The following FAM246B variants were observed in gnomAD, a reference collection of about 807,000 sequenced individuals.
The protein encoded by FAM246B is family with sequence similarity 246 member B, also known as protein FAM246B.
At chr22:18,634,979 GGCCTTTGGGCCTTGGGTCTGGGTCA>G (rs1164193661), downstream of FAM246B, among the ~76,000 whole-genome samples, 4 of 145,930 alleles carry the variant, frequency 2.7e-5, no homozygotes, top group Admixed American at 1.4e-4. Context: ...CTTAGAGCTG[GGCCTTTGGGCCTTGGGTCTGGGTCA>G]GCCTTTGGGC....
chr22:18,634,000 GC>G lies in FAM246B; in HGVS notation c.20del (p.Pro7ArgfsTer64), dbSNP rs1200744705. On this transcript the variant is annotated frameshift_variant, in exon 1 of 1. Coordinates refer to ENST00000652395, the Ensembl canonical transcript of FAM246B. LOFTEE classifies it high-confidence loss of function. Reference sequence around the variant, plus strand: ...GCAGGGCGGATGGCGACGCCCGGCCGCCCGTGGGCCCAGGCGCGTAGTGCGT... The same window carrying G: ...GCAGGGCGGATGGCGACGCCCGGCCGCCGTGGGCCCAGGCGCGTAGTGCGT... 2.1e-4 allele frequency among the ~76,000 whole-genome samples: 10 copies of G among 47,112 alleles called. 2 individuals are homozygous for G. Among genetic ancestry groups the G allele is most frequent in the African/African-American group, 6.5e-4 (10 of 15,296 alleles). The allele number at this position is 47,112 out of a possible 152,430, so 30.9% of individuals were successfully genotyped here.
At chr22:18,635,364 GACAGTGAC>G (rs1933706320), downstream of FAM246B, among the ~76,000 whole-genome samples, 1 of 57,638 alleles carries the variant, frequency 1.7e-5, no homozygotes, top group Non-Finnish European at 4.5e-5. Context: ...CTTTGCTTTG[GACAGTGAC>G]ACCAAGAATA....
At chr22:18,634,987 G>GGCCTTTGT (rs1355139340), downstream of FAM246B, among the ~76,000 whole-genome samples, 1 of 145,590 alleles carries the variant, frequency 6.9e-6, no homozygotes, top group Non-Finnish European at 1.5e-5. Context: ...TGGGCCTTTG[G>GGCCTTTGT]GCCTTGGGTC....
rs1184929103 is a variant in FAM246B at position 18,634,054 on chromosome 22, T to G, written c.71T>G (p.Val24Gly). The change falls in exon 1 of 1, where the codon GTC (valine) becomes GGC (glycine). Residue 24 changes from valine (V) to glycine (G), a missense_variant. Coordinates refer to ENST00000652395, the Ensembl canonical transcript of FAM246B. Reference sequence around the variant, plus strand: ...AGAGCCAGCGAGGTGCTGCGGCGCGTCACGGGCCGCCGGCGGGACCCGGGG... The same window carrying G: ...AGAGCCAGCGAGGTGCTGCGGCGCGGCACGGGCCGCCGGCGGGACCCGGGG... Among the ~76,000 whole-genome samples, 10 of 53,830 alleles carry G rather than the reference T, an allele frequency of 1.9e-4. 4 individuals carry two copies. The East Asian group carries it at 1.9e-3, about 10-fold the overall frequency. 35.3% of individuals were successfully genotyped at this position (53,830 alleles called of 152,430 possible). A position where few individuals can be genotyped will look rare whatever the true frequency, so the allele number is the denominator to read the frequency against.
exon 1 of FAM246B, among the ~76,000 whole-genome samples, chr22:18,634,169 G>C (rs1933687807): frequency 1.7e-5 from 1 of 57,318 alleles, no homozygotes; most frequent in Non-Finnish European, 4.1e-5. Context: ...AAGCGGCTTC[G>C]CGGTCCGAGG....
At position 18,634,051 on chromosome 22, in the gene FAM246B, G is replaced by A. The variant is rs1484924405; in HGVS notation, c.68G>A (p.Arg23His). ...TACAGAGCCAGCGAGGTGCTGCGGC[G>A]CGTCACGGGCCGCCGGCGGGACCCG... Residue 23 changes from arginine to histidine, a missense_variant, in exon 1 of 1, where the codon CGC becomes CAC. Arg to His is a conservative substitution (Grantham distance 29). Transcript: ENST00000652395. Among the ~76,000 whole-genome samples, 18 of 54,058 alleles carry A rather than the reference G, an allele frequency of 3.3e-4. 7 individuals are homozygous for A. Among genetic ancestry groups the A allele is most frequent in the African/African-American group, 6.9e-4 (12 of 17,440 alleles). The allele number at this position is 54,058 out of a possible 152,430, so 35.5% of individuals were successfully genotyped here. A position where few individuals can be genotyped will look rare whatever the true frequency, so the allele number is the denominator to read the frequency against.
At chr22:18,634,839 T>A (rs1933696789), downstream of FAM246B, among the ~76,000 whole-genome samples, 1 of 134,034 alleles carries the variant, frequency 7.5e-6, no homozygotes, top group Non-Finnish European at 1.7e-5. Flanking sequence ...AGGGCTCCGG[T>A]ACTGGAGGGA....
rs1933686776 is a variant in FAM246B, at chr22:18,634,008, GC to G, written c.28del (p.Gln10ArgfsTer61). ...GATGGCGACGCCCGGCCGCCCGTGG[GC>G]CCAGGCGCGTAGTGCGTACAGAGCC... On this transcript the variant is annotated frameshift_variant, in exon 1 of 1. Coordinates refer to ENST00000652395, the Ensembl canonical transcript of FAM246B. LOFTEE classifies it high-confidence loss of function. Among the ~76,000 whole-genome samples, 1 of 48,446 alleles carries G rather than the reference GC, an allele frequency of 2.1e-5. No individual in the cohort carries two copies. Among genetic ancestry groups the G allele is most frequent in the Non-Finnish European group, 4.7e-5 (1 of 21,406 alleles). 31.8% of individuals were successfully genotyped at this position (48,446 alleles called of 152,430 possible).
chr22:18,634,525 G>C (rs1170259880), exon 1 of FAM246B, among the ~76,000 whole-genome samples: 1,129 of 61,754 alleles, frequency 0.018, 325 homozygotes, highest in African/African-American at 0.047. Flanking sequence ...ACCCTGCTGC[G>C]GACGCTCGGC....
chr22:18,634,478 G>GCCCCGCGCCGTC lies in FAM246B; in HGVS notation c.506_517dup (p.Val169_Ala172dup), dbSNP rs1306065068. ...CGCCGTCCCCGCCTGCCCGCCGCGA[G>GCCCCGCGCCGTC]CCCCGCGCCGTCCCCCGCGCCGCGC... On this transcript the variant is annotated inframe_insertion, in exon 1 of 1. Coordinates refer to ENST00000652395, the Ensembl canonical transcript of FAM246B. Among the ~76,000 whole-genome samples the GCCCCGCGCCGTC allele has an allele frequency of 3.3e-5, 2 of 60,028 alleles. 1 individual carries two copies. Among genetic ancestry groups the GCCCCGCGCCGTC allele is most frequent in the Non-Finnish European group, 8.2e-5 (2 of 24,406 alleles). 39.4% of individuals were successfully genotyped at this position (60,028 alleles called of 152,430 possible).
chr22:18,634,937 C>T (rs1005840014), downstream of FAM246B, among the ~76,000 whole-genome samples: 1 of 148,252 alleles, frequency 6.7e-6, no homozygotes, highest in Non-Finnish European at 1.5e-5. Flanking sequence ...AGACTGAGTC[C>T]GGCTAGAGAA....
downstream of FAM246B, among the ~76,000 whole-genome samples, chr22:18,634,991 TTGGGTC>T (rs1933699927): frequency 6.9e-6 from 1 of 145,198 alleles, no homozygotes; most frequent in Non-Finnish European, 1.5e-5. Flanking sequence ...CCTTTGGGCC[TTGGGTC>T]TGGGTCAGCC....
chr22:18,634,441 TGCC>T (rs558825079), exon 1 of FAM246B, among the ~76,000 whole-genome samples: 1 of 55,128 alleles, frequency 1.8e-5, no homozygotes. Flanking sequence ...CGCGCGCTGC[TGCC>T]GCCGCCGCCG....
chr22:18,634,879 G>T (rs1933697937), downstream of FAM246B, among the ~76,000 whole-genome samples: 1 of 148,304 alleles, frequency 6.7e-6, no homozygotes, highest in East Asian at 2.1e-4. Flanking sequence ...GCGGAGGGTG[G>T]GCCACGTGCG....
chr22:18,634,442 G>C (rs1207766463), exon 1 of FAM246B, among the ~76,000 whole-genome samples: 7 of 53,980 alleles, frequency 1.3e-4, no homozygotes, highest in African/African-American at 3.9e-4. Flanking sequence ...GCGCGCTGCT[G>C]CCGCCGCCGC....
Position 18,634,206 on chromosome 22 carries a change from C to T in FAM246B, c.223C>T (p.Arg75Cys), listed in dbSNP as rs1933687960. 3.6e-5 allele frequency among the ~76,000 whole-genome samples: 2 copies of T among 55,218 alleles called. 1 individual carries two copies. Among genetic ancestry groups the T allele is most frequent in the African/African-American group, 1.1e-4 (2 of 18,538 alleles). The allele number at this position is 55,218 out of a possible 152,430, so 36.2% of individuals were successfully genotyped here. A position where few individuals can be genotyped will look rare whatever the true frequency, so the allele number is the denominator to read the frequency against. ...GCCGCGGCTGCTGAAGCTGGTGGAGCGTGCGGGGGCCGGGGCGGCGGGCGC... is the reference window on the plus strand; with the variant it reads ...GCCGCGGCTGCTGAAGCTGGTGGAGTGTGCGGGGGCCGGGGCGGCGGGCGC... Residue 75 changes from arginine to cysteine, a missense_variant, in exon 1 of 1, where the codon CGT (arginine) becomes TGT (cysteine). Transcript: ENST00000652395.
In FAM246B at chr22:18,634,025, G is replaced by C. The variant is rs1933686852; in HGVS notation, c.42G>C (p.Ala14=). Reference sequence around the variant, plus strand: ...GCCCGTGGGCCCAGGCGCGTAGTGCGTACAGAGCCAGCGAGGTGCTGCGGC... The same window carrying C: ...GCCCGTGGGCCCAGGCGCGTAGTGCCTACAGAGCCAGCGAGGTGCTGCGGC... The change falls in exon 1 of 1, where the codon GCG becomes GCC. Residue 14 remains alanine, a synonymous_variant. Coordinates refer to ENST00000652395, the Ensembl canonical transcript of FAM246B. Among the ~76,000 whole-genome samples, 2 of 51,296 alleles carry C rather than the reference G, an allele frequency of 3.9e-5. 1 individual carries two copies. The highest frequency in any genetic ancestry group is 8.9e-5 in the Non-Finnish European group (2 of 22,552). 33.7% of individuals were successfully genotyped at this position (51,296 alleles called of 152,430 possible).
downstream of FAM246B, among the ~76,000 whole-genome samples, chr22:18,634,921 T>C (rs1028667290): frequency 1.3e-5 from 2 of 148,496 alleles, no homozygotes; most frequent in African/African-American, 4.9e-5. Flanking sequence ...CCGGGGTCCT[T>C]GCGAGAGACT....
downstream of FAM246B, among the ~76,000 whole-genome samples, chr22:18,635,287 A>AC (rs1933705433): frequency 1.3e-5 from 1 of 76,904 alleles, no homozygotes; most frequent in African/African-American, 3.6e-5. Context: ...TCTGACTGCA[A>AC]CCCCCTCTCA....
Sources: allele counts gnomAD v4.1 joint callset (sites outside exome capture counted in the v4.1 genomes callset), GRCh38; gene constraint gnomAD v4.1.1; transcripts MANE v1.5; gene names NCBI Gene and HGNC (gene_info 2026-07-23, HGNC 2026-07-21).